SPATA19: variants seen among roughly 807,000 people sequenced by gnomAD.
The protein encoded by SPATA19 is spermatogenesis associated 19, also known as spermatogenesis-associated protein 19, mitochondrial.
A neutral mutation model predicts 25.0 loss-of-function variants in SPATA19; 19 were observed. The observed-to-expected ratio is 0.76, with a 90% confidence interval of 0.53 to 1.11. The LOEUF (loss-of-function observed/expected upper bound fraction) is 1.11. SPATA19 is among the 50% of genes most tolerant of loss of function. The pLI, the probability that SPATA19 is intolerant of heterozygous loss-of-function variation, is 0.00. For synonymous variants in SPATA19, 64 were observed against 69.3 expected, an observed-to-expected ratio of 0.92 and a Z score of 0.38; for missense variants, 222 against 211.4, an observed-to-expected ratio of 1.05 and a Z score of -0.31.
intron 6 of SPATA19, among the ~76,000 whole-genome samples, chr11:133,841,560 C>T (rs1237179764): frequency 6.6e-6 from 1 of 152,146 alleles, no homozygotes; most frequent in Non-Finnish European, 1.5e-5. Flanking sequence ...ACCACCGGGC[C>T]AAGCACAAGG....
At chr11:133,840,317 G>A (rs1259152973), downstream of SPATA19, among the ~76,000 whole-genome samples, 1 of 152,172 alleles carries the variant, frequency 6.6e-6, no homozygotes, top group Admixed American at 6.5e-5. Flanking sequence ...CAAAGAGAAG[G>A]AAAAGGATAT....
intron 4 of SPATA19, among the ~76,000 whole-genome samples, chr11:133,843,731 G>C (rs1211386649): frequency 4.6e-5 from 7 of 152,164 alleles, no homozygotes. Flanking sequence ...GATGGCTTCA[G>C]GCCAGCTCCC....
chr11:133,842,848 G>A (rs1938339101), intron 4 of SPATA19, among the ~76,000 whole-genome samples: 1 of 152,168 alleles, frequency 6.6e-6, no homozygotes, highest in South Asian at 2.1e-4. Context: ...GTGGTCTCGT[G>A]AGCCGTGGAA....
intron 6 of SPATA19, 47 bp downstream of exon 6, chr11:133,841,983 G>A: frequency 6.4e-7 from 1 of 1,568,728 alleles, no homozygotes; most frequent in East Asian, 2.2e-5. Flanking sequence ...CCACTGCCCA[G>A]GATAACCATC....
rs113180985 is a variant in SPATA19 at position 133,843,626 on chromosome 11, G to A, written c.359+620C>T. ...CCCGTAGGACCAGTCTAAGCCCTCA[G>A]TCCCTCTCCTGGGAAGGGGTGGCTG... is the stretch of plus-strand genomic sequence containing the variant. On this transcript the variant is annotated intron_variant, in intron 4 of 6. Coordinates refer to ENST00000299140, the MANE Select transcript of SPATA19 (RefSeq NM_174927.3). 2.7e-4 allele frequency among the ~76,000 whole-genome samples: 41 copies of A among 152,334 alleles called. 1 individual carries two copies. Among genetic ancestry groups the A allele is most frequent in the African/African-American group, 9.1e-4 (38 of 41,586 alleles).
At chr11:133,845,280 T>C (rs1404463473) in intron 1 of SPATA19, 89 bp downstream of exon 1, 7 of 1,521,146 alleles carry the variant, frequency 4.6e-6, no homozygotes, top group Non-Finnish European at 6.4e-6. Flanking sequence ...CAAATTTATT[T>C]GTAAGATCTC....
At chr11:133,842,359 GTC>G (rs1419799173) in intron 5 of SPATA19, 124 bp downstream of exon 5, 8 of 816,874 alleles carry the variant, frequency 9.8e-6, no homozygotes, top group Non-Finnish European at 1.7e-5. Flanking sequence ...GGAACTGTGT[GTC>G]TCTGCTCTTG....
chr11:133,837,670 A>AG (rs1938236601), downstream of SPATA19, among the ~76,000 whole-genome samples: 1 of 152,126 alleles, frequency 6.6e-6, no homozygotes, highest in South Asian at 2.1e-4. Flanking sequence ...AAGGTCAATG[A>AG]GGGGGGAAGC....
At chr11:133,839,166 C>T (rs914720292), downstream of SPATA19, among the ~76,000 whole-genome samples, 22 of 152,130 alleles carry the variant, frequency 1.4e-4, no homozygotes, top group Admixed American at 1.3e-3. Context: ...TTTGACCCAG[C>T]CATCCCATTA....
Position 133,845,390 on chromosome 11 carries a change from G to A in SPATA19, c.57C>T (p.Pro19=), listed in dbSNP as rs768794951. 1 of 1,613,616 alleles carries A rather than the reference G, an allele frequency of 6.2e-7. No homozygotes were observed. Among genetic ancestry groups the A allele is most frequent in the African/African-American group, 1.3e-5 (1 of 75,022 alleles). ...TTACCGAACTGGTTATTGGTAGGAA[G>A]GGAAGCCCTACACCTTTCCGAGCAA... ...YILARKGVGL[P]FLPITSSDID... is the part of the protein sequence containing the mutation. Residue 19 remains proline, a synonymous_variant, in exon 1 of 7, where the codon CCC becomes CCT. Transcript: ENST00000299140.
At chr11:133,842,196 G>A in intron 5 of SPATA19, 91 bp from the exon 6 acceptor site, 1 of 1,322,594 alleles carries the variant, frequency 7.6e-7, no homozygotes, top group Admixed American at 1.7e-5. Context: ...GCGGTGGGAG[G>A]GCAGGCCGTG....
chr11:133,842,341 C>T, intron 5 of SPATA19, 144 bp downstream of exon 5: 1 of 769,684 alleles, frequency 1.3e-6, no homozygotes, highest in Non-Finnish European at 2.3e-6. Context: ...AGACAAGACG[C>T]AGCCCTGGGA....
At position 133,845,457 on chromosome 11, in the gene SPATA19, A is replaced by G; in HGVS notation, c.-11T>C. ...TGTCGTAATTATCATCTTTGAATGT[A>G]TACCAGGCCCCCTTCTTGGCTCCCT... On this transcript the variant is annotated 5_prime_UTR_variant, in exon 1 of 7. Coordinates refer to ENST00000299140, the MANE Select transcript of SPATA19 (RefSeq NM_174927.3). 1 of 1,613,880 alleles carries G rather than the reference A, an allele frequency of 6.2e-7. No homozygotes were observed. The highest frequency in any genetic ancestry group is 1.1e-5 in the South Asian group (1 of 91,044).
At chr11:133,845,251 A>AC in intron 1 of SPATA19, 61 bp from the exon 2 acceptor site, 1 of 1,215,254 alleles carries the variant, frequency 8.2e-7, no homozygotes, top group Non-Finnish European at 1.2e-6. Context: ...CTTCCCACCC[A>AC]GCCCCCGCAA....
downstream of SPATA19, among the ~76,000 whole-genome samples, chr11:133,840,054 G>A (rs1938275354): frequency 6.6e-6 from 1 of 152,052 alleles, no homozygotes; most frequent in Non-Finnish European, 1.5e-5. Context: ...TTTCTTGAAA[G>A]GGAAAACACC....
chr11:133,837,042 T>C (rs576902494), downstream of SPATA19, among the ~76,000 whole-genome samples: 7 of 152,284 alleles, frequency 4.6e-5, no homozygotes, highest in East Asian at 1.4e-3. Context: ...GGACCAGGCA[T>C]ATAGAAAGTG....
chr11:133,842,883 T>C (rs1938339875), intron 4 of SPATA19, among the ~76,000 whole-genome samples: 1 of 152,156 alleles, frequency 6.6e-6, no homozygotes, highest in Non-Finnish European at 1.5e-5. Flanking sequence ...TTCAGTCTTC[T>C]GAATTCCTCT....
rs1938371282 is a variant in SPATA19, at chr11:133,844,271, T to G, written c.334A>C (p.Thr112Pro). Reference sequence around the variant, plus strand: ...CTCCATCTTATGAACTGGATTCGTGTTCTCTCCTCTAGGACCTCTTGGCTC... The same window carrying G: ...CTCCATCTTATGAACTGGATTCGTGGTCTCTCCTCTAGGACCTCTTGGCTC... ...NQSQEVLEERTRIQFIRWSHT... is the reference protein window; with the variant it reads ...NQSQEVLEERPRIQFIRWSHT... Residue 112 changes from threonine (T) to proline (P), a missense_variant, in exon 4 of 7, where the codon ACA (threonine) becomes CCA (proline). By Grantham distance (38) the Thr-to-Pro change is conservative. Transcript: ENST00000299140. 6.2e-7 allele frequency: 1 copy of G among 1,614,020 alleles called. No individual in the cohort carries two copies. The highest frequency in any genetic ancestry group is 1.3e-5 in the African/African-American group (1 of 74,914).
chr11:133,844,686 C>A (rs1206478838), intron 2 of SPATA19, 46 bp from the exon 3 acceptor site: 1 of 1,547,178 alleles, frequency 6.5e-7, no homozygotes, highest in Non-Finnish European at 8.7e-7. Flanking sequence ...CTGCATCCAA[C>A]CCTGGGTCTT....
Sources: allele counts gnomAD v4.1 joint callset (sites outside exome capture counted in the v4.1 genomes callset), GRCh38; gene constraint gnomAD v4.1.1; transcripts MANE v1.5; gene names NCBI Gene and HGNC (gene_info 2026-07-23, HGNC 2026-07-21).